GRB2: variants seen among roughly 807,000 people sequenced by gnomAD.
GRB2 encodes the protein growth factor receptor-bound protein 2.
GRB2 carries 2 observed loss-of-function variants against 27.4 expected under a neutral mutation model. The observed-to-expected ratio is 0.07, with a 90% CI of 0.03 to 0.23. The LOEUF is 0.23. Ranked by LOEUF, GRB2 falls within the 10% of genes least tolerant of loss-of-function variation. The probability of loss-of-function intolerance (pLI) is 1.00; values close to 1 mark genes in which losing one functional copy is unlikely to be tolerated. For missense variants in GRB2, 102 were observed against 282.4 expected (o/e 0.36, Z 4.58); for synonymous variants, 94 against 99.6 (o/e 0.94, Z 0.33).
chr17:75,343,216 C>T (rs1297549164), intron 2 of GRB2, among the ~76,000 whole-genome samples: 1 of 151,978 alleles, frequency 6.6e-6, no homozygotes, highest in East Asian at 1.9e-4. Flanking sequence ...CGCTTCCTGG[C>T]AATGTGATGT....
At chr17:75,323,528 T>G (rs2078474881) in intron 4 of GRB2, among the ~76,000 whole-genome samples, 2 of 152,206 alleles carry the variant, frequency 1.3e-5, no homozygotes, top group African/African-American at 4.8e-5. Flanking sequence ...GAACCTTTTT[T>G]GCAGAGGTGT....
At chr17:75,381,008 A>AT (rs1250086599) in intron 2 of GRB2, among the ~76,000 whole-genome samples, 2 of 152,220 alleles carry the variant, frequency 1.3e-5, no homozygotes, top group Non-Finnish European at 2.9e-5. Flanking sequence ...GTAGGTAACC[A>AT]TTTGTTCAGC....
At chr17:75,370,066 A>G (rs1206481374) in intron 2 of GRB2, among the ~76,000 whole-genome samples, 1 of 152,244 alleles carries the variant, frequency 6.6e-6, no homozygotes, top group African/African-American at 2.4e-5. Flanking sequence ...TGATGCTCAG[A>G]CTGACTCTCG....
intron 4 of GRB2, among the ~76,000 whole-genome samples, chr17:75,322,167 G>A (rs544777169): frequency 1.3e-5 from 2 of 152,256 alleles, no homozygotes; most frequent in East Asian, 1.9e-4. Context: ...GAGGTCGGGA[G>A]TTCGAGACCA....
At chr17:75,368,164 CTTGGCCTCCCAAAGTGCTGGGA>C (rs2078832019) in intron 2 of GRB2, among the ~76,000 whole-genome samples, 1 of 151,228 alleles carries the variant, frequency 6.6e-6, no homozygotes, top group African/African-American at 2.4e-5. Context: ...ATCCACTCGC[CTTGGCCTCCCAAAGTGCTGGGA>C]TTAAAGATAA....
chr17:75,384,717 A>G (rs1325725111), intron 2 of GRB2, among the ~76,000 whole-genome samples: 1 of 152,094 alleles, frequency 6.6e-6, no homozygotes, highest in African/African-American at 2.4e-5. Context: ...ACTGATACAT[A>G]TGGTAACTAA....
chr17:75,321,977 C>T (rs2078463263), intron 4 of GRB2, 150 bp from the exon 5 acceptor site: 3 of 681,786 alleles, frequency 4.4e-6, no homozygotes, highest in South Asian at 1.8e-5. Context: ...ACTGGGTGTC[C>T]CTGGGACGGA....
chr17:75,328,729 GAGATCGAGAC>G (rs2078517894), intron 3 of GRB2, among the ~76,000 whole-genome samples: 1 of 152,146 alleles, frequency 6.6e-6, no homozygotes, highest in Non-Finnish European at 1.5e-5. Context: ...ACAAAGTCAG[GAGATCGAGAC>G]CAACCTGGCT....
chr17:75,381,265 A>G (rs1265030414), intron 2 of GRB2, among the ~76,000 whole-genome samples: 2 of 152,210 alleles, frequency 1.3e-5, no homozygotes, highest in Non-Finnish European at 2.9e-5. Context: ...CTTAAGAGAG[A>G]TCTGAAATAG....
intron 4 of GRB2, 33 bp downstream of exon 4, chr17:75,325,865 G>T: frequency 6.2e-7 from 1 of 1,611,232 alleles, no homozygotes; most frequent in South Asian, 1.1e-5. Flanking sequence ...GTCAGAGACA[G>T]GATTCCAGGC....
intron 2 of GRB2, among the ~76,000 whole-genome samples, chr17:75,354,888 C>T (rs1206624520): frequency 2.0e-5 from 3 of 152,310 alleles, no homozygotes; most frequent in East Asian, 1.9e-4. Flanking sequence ...GATCTATGGC[C>T]GGGCACAGTT....
intron 2 of GRB2, among the ~76,000 whole-genome samples, chr17:75,355,816 C>CTTTTTTTT (rs1170570570): frequency 3.5e-5 from 4 of 115,692 alleles, no homozygotes; most frequent in African/African-American, 1.3e-4. Flanking sequence ...TTCCTTTCTT[C>CTTTTTTTT]TTTTTTTTTT....
chr17:75,379,385 A>C (rs1413276865), intron 2 of GRB2, among the ~76,000 whole-genome samples: 1 of 134,692 alleles, frequency 7.4e-6, no homozygotes, highest in Non-Finnish European at 1.6e-5. Context: ...TAAATAAAGA[A>C]GACACTTGAT....
intron 3 of GRB2, among the ~76,000 whole-genome samples, chr17:75,328,711 G>C (rs2145822989): frequency 6.6e-6 from 1 of 152,214 alleles, no homozygotes; most frequent in South Asian, 2.1e-4. Context: ...GGCCGAGGCG[G>C]GCGGGTCACA....
intron 5 of GRB2, among the ~76,000 whole-genome samples, chr17:75,321,035 G>A (rs188546909): frequency 9.9e-5 from 15 of 152,214 alleles, no homozygotes; most frequent in Non-Finnish European, 1.5e-4. Flanking sequence ...CACAAGCATA[G>A]TTTTCCTCAT....
Position 75,325,965 on chromosome 17 carries a change from G to A in GRB2, c.232C>T (p.Arg78Trp), listed in dbSNP as rs1458191451. 3.1e-6 allele frequency: 5 copies of A among 1,613,850 alleles called. No homozygotes were observed. The highest frequency in any genetic ancestry group is 1.3e-5 in the African/African-American group (1 of 74,902). The change falls in exon 4 of 6, where the codon CGG (arginine) becomes TGG (tryptophan). Residue 78 changes from arginine to tryptophan, a missense_variant. Physicochemically the swap from Arg to Trp is moderately radical, Grantham distance 101. Coordinates refer to ENST00000316804, the MANE Select transcript of GRB2 (RefSeq NM_002086.5). Reference sequence around the variant, plus strand: ...CGGATAAGAAAGGCCCCATCGTGCCGCTGTTTGCTAAGCATTTCTTCTGCC... The same window carrying A: ...CGGATAAGAAAGGCCCCATCGTGCCACTGTTTGCTAAGCATTTCTTCTGCC... The part of the protein sequence containing the change: ...AKAEEMLSKQ[R>W]HDGAFLIRES...
intron 2 of GRB2, among the ~76,000 whole-genome samples, chr17:75,388,431 A>C (rs915887385): frequency 3.3e-5 from 5 of 151,982 alleles, no homozygotes; most frequent in Admixed American, 2.6e-4. Context: ...TAAAGATTAA[A>C]TGCAATATTC....
intron 2 of GRB2, among the ~76,000 whole-genome samples, chr17:75,366,110 A>G (rs2078817429): frequency 2.0e-5 from 3 of 152,256 alleles, no homozygotes; most frequent in South Asian, 4.1e-4. Context: ...ATTTATTTAT[A>G]GTGCATTCAT....
intron 2 of GRB2, among the ~76,000 whole-genome samples, chr17:75,362,133 T>C (rs2078786723): frequency 6.6e-6 from 1 of 151,860 alleles, no homozygotes; most frequent in South Asian, 2.1e-4. Context: ...GTTTTAGAGA[T>C]GAGAAAAATA....
Sources: allele counts gnomAD v4.1 joint callset (sites outside exome capture counted in the v4.1 genomes callset), GRCh38; gene constraint gnomAD v4.1.1; transcripts MANE v1.5; gene names NCBI Gene and HGNC (gene_info 2026-07-23, HGNC 2026-07-21).